The following SBF1 variants were observed in gnomAD, a reference collection of about 807,000 sequenced individuals.
The protein encoded by SBF1 is myotubularin-related protein 5.
In SBF1, 65 loss-of-function variants were observed where a neutral mutation model predicts 215.8. The observed-to-expected ratio is 0.30, with a 90% confidence interval of 0.25 to 0.37. The LOEUF is 0.37. Among genes scored for constraint, SBF1 ranks in the 10% least tolerant of loss-of-function variants. The probability of loss-of-function intolerance (pLI) is 1.00; values close to 1 mark genes in which losing one functional copy is unlikely to be tolerated. For missense variants in SBF1, 2,634 were observed against 2,667.8 expected (o/e 0.99, Z 0.28); for synonymous variants, 1,410 against 1,122.8 (o/e 1.26, Z -5.11).
Position 50,460,316 on chromosome 22 carries a change from T to C in SBF1, c.3239A>G (p.His1080Arg), listed in dbSNP as rs750253285. ...GTCCTCAGGGGGCGGCTGGCCCCGG[T>C]GCTCCCAGCTGGGGGGGTTGTACTT... ...RKKYNPPSWE[H>R]RGQPPPEDQE... The change falls in exon 25 of 41, where the codon CAC becomes CGC. Residue 1080 changes from histidine to arginine, a missense_variant. By Grantham distance (29) the His-to-Arg change is conservative. Coordinates refer to ENST00000380817, the MANE Select transcript of SBF1 (RefSeq NM_002972.4). 1.3e-5 allele frequency: 21 copies of C among 1,612,008 alleles called. No individual in the cohort carries two copies. In the Admixed American group the frequency reaches 1.7e-4, roughly 13 times the overall value.
At position 50,467,154 on chromosome 22, in the gene SBF1, G is replaced by A. The variant is rs200312266; in HGVS notation, c.549+184C>T. On this transcript the variant is annotated intron_variant, in intron 5 of 40. Coordinates refer to ENST00000380817, the MANE Select transcript of SBF1 (RefSeq NM_002972.4). Reference sequence around the variant, plus strand: ...AGAGAGGCTGAACGACACAGGCCCAGAGCACAGGTGCGAGGGCCAGGTAAG... The same window carrying A: ...AGAGAGGCTGAACGACACAGGCCCAAAGCACAGGTGCGAGGGCCAGGTAAG... 5 of 607,250 alleles carry A rather than the reference G, an allele frequency of 8.2e-6. No individual in the cohort carries two copies. The East Asian group carries it at 1.4e-4, about 17-fold the overall frequency. 37.6% of individuals were successfully genotyped at this position (607,250 alleles called of 1,614,324 possible).
chr22:50,449,747 GCAA>G (rs1172851573), intron 36 of SBF1, among the ~76,000 whole-genome samples: 1 of 152,098 alleles, frequency 6.6e-6, no homozygotes, highest in Admixed American at 6.5e-5. Flanking sequence ...CTTTGAAAGA[GCAA>G]CAATAAAACT....
At position 50,456,221 on chromosome 22, in the gene SBF1, T is replaced by TCAGCCACTCTGA; in HGVS notation, c.4249_4260dup (p.Ser1417_Leu1420dup). The TCAGCCACTCTGA allele has an allele frequency of 6.2e-7, 1 of 1,611,010 alleles. No individual in the cohort carries two copies. The highest frequency in any genetic ancestry group is 8.5e-7 in the Non-Finnish European group (1 of 1,179,676). ...GGACGGGGCAGTGCAGAGACCTGGA[T>TCAGCCACTCTGA]CAGCCACTCTGAGTCCTCCAGTGAG... On this transcript the variant is annotated inframe_insertion, in exon 31 of 41. Coordinates refer to ENST00000380817, the MANE Select transcript of SBF1 (RefSeq NM_002972.4).
intron 28 of SBF1, chr22:50,457,434 C>G (rs1298072138): frequency 3.3e-6 from 1 of 304,964 alleles, no homozygotes; most frequent in Non-Finnish European, 6.1e-6. Context: ...CCCTCCACAT[C>G]CTGGCCCTTT....
In SBF1 at chr22:50,460,654, T is replaced by C. The variant is rs747798462; in HGVS notation, c.3026A>G (p.Lys1009Arg). Residue 1009 changes from lysine (K) to arginine (R), a missense_variant, in exon 24 of 41, where the codon AAG (lysine) becomes AGG (arginine). Transcript: ENST00000380817. The stretch of plus-strand genomic sequence containing the variant: ...CGGGTACCGCAGCTTATGCAGCTGC[T>C]TACGGAAGAGCTCGGCGCTGTCAGA... ...VGSDSAELFRKQLHKLRYPPD... is the reference protein window; with the variant it reads ...VGSDSAELFRRQLHKLRYPPD... The C allele has an allele frequency of 6.2e-7, 1 of 1,614,002 alleles. No homozygotes were observed. The highest frequency in any genetic ancestry group is 1.1e-5 in the South Asian group (1 of 91,078).
chr22:50,456,744 G>T, intron 29 of SBF1, 71 bp from the exon 30 acceptor site: 1 of 1,337,308 alleles, frequency 7.5e-7, no homozygotes, highest in Non-Finnish European at 1.0e-6. Flanking sequence ...GGCTGGGCCC[G>T]GCCTCCAGGG....
chr22:50,467,646 C>G lies in SBF1; in HGVS notation c.324G>C (p.Gly108=). The stretch of plus-strand genomic sequence containing the variant: ...ACAGGTGGGTCTGGCCTCCCTCATC[C>G]CCCTCTTCCTCCCTCTCTGTGGCAT... ...VEDATEREEE[G]DEGGQTHLSP... The change falls in exon 4 of 41, where the codon GGG becomes GGC. Residue 108 remains glycine, a synonymous_variant. Transcript: ENST00000380817. 1.2e-6 allele frequency: 2 copies of G among 1,613,966 alleles called. No individual in the cohort carries two copies. The highest frequency in any genetic ancestry group is 1.7e-6 in the Non-Finnish European group (2 of 1,179,934).
Position 50,461,725 on chromosome 22 carries a change from G to A in SBF1, c.2644-7C>T, listed in dbSNP as rs750346389. On this transcript the variant is annotated splice_region_variant and splice_polypyrimidine_tract_variant and intron_variant, in intron 21 of 40. Transcript: ENST00000380817. Reference sequence around the variant, plus strand: ...GCGGCCGCAGCAGCTTGGGCTGCTCGAAAACAAGAGCAGGAGCTCAGGATG... The same window carrying A: ...GCGGCCGCAGCAGCTTGGGCTGCTCAAAAACAAGAGCAGGAGCTCAGGATG... The A allele has an allele frequency of 2.2e-5, 36 of 1,608,910 alleles. No homozygotes were observed. The highest frequency in any genetic ancestry group is 6.7e-5 in the East Asian group (3 of 44,776).
In SBF1 at chr22:50,449,961, C is replaced by G. The variant is rs535636242; in HGVS notation, c.5044-1311G>C. Among the ~76,000 whole-genome samples, 32 of 152,322 alleles carry G rather than the reference C, an allele frequency of 2.1e-4. No individual in the cohort carries two copies. The Middle Eastern group carries it at 0.01, about 49-fold the overall frequency. Reference sequence around the variant, plus strand: ...ATGGGACCACATAAGATGGGCCCCACAGTCACCTGTTTTCTGCCCAGCCAC... The same window carrying G: ...ATGGGACCACATAAGATGGGCCCCAGAGTCACCTGTTTTCTGCCCAGCCAC... On this transcript the variant is annotated intron_variant, in intron 36 of 40. Coordinates refer to ENST00000380817, the MANE Select transcript of SBF1 (RefSeq NM_002972.4).
Position 50,456,471 on chromosome 22 carries a change from C to T in SBF1, c.4086+21G>A, listed in dbSNP as rs752876087. The stretch of plus-strand genomic sequence containing the variant: ...CTGCCGAGCCCCCACCCTCACCCCC[C>T]ACCCCCCGCACCCCAGTCACCTTGA... On this transcript the variant is annotated intron_variant, in intron 30 of 40. Coordinates refer to ENST00000380817, the MANE Select transcript of SBF1 (RefSeq NM_002972.4). 9.3e-6 allele frequency: 14 copies of T among 1,503,882 alleles called. No homozygotes were observed. In the South Asian group the frequency reaches 1.1e-4, roughly 12 times the overall value. The allele number at this position is 1,503,882 out of a possible 1,614,324, so 93.2% of individuals were successfully genotyped here. A position where few individuals can be genotyped will look rare whatever the true frequency, so the allele number is the denominator to read the frequency against.
chr22:50,465,055 A>G lies in SBF1; in HGVS notation c.1278T>C (p.Ala426=). 1 of 1,614,120 alleles carries G rather than the reference A, an allele frequency of 6.2e-7. No homozygotes were observed. The highest frequency in any genetic ancestry group is 8.5e-7 in the Non-Finnish European group (1 of 1,180,012). Residue 426 remains alanine (A), a synonymous_variant, in exon 12 of 41, where the codon GCT becomes GCC. Coordinates refer to ENST00000380817, the MANE Select transcript of SBF1 (RefSeq NM_002972.4). ...GGACCCCACGCTCTGACACAAAGCC[A>G]GCAAAGGCCATGCCCTCCAGCACCT... ...LMKVLEGMAF[A]GFVSERGVPY...
chr22:50,450,520 CAAA>C (rs1412631899), intron 36 of SBF1, among the ~76,000 whole-genome samples: 1 of 111,920 alleles, frequency 8.9e-6, no homozygotes, highest in Non-Finnish European at 1.9e-5. Flanking sequence ...GACTCTGCCT[CAAA>C]AAAAAAAAAA....
intron 23 of SBF1, 144 bp from the exon 24 acceptor site, chr22:50,460,856 C>T (rs1179788692): frequency 7.2e-6 from 7 of 969,070 alleles, no homozygotes; most frequent in South Asian, 3.2e-5. Context: ...CTGTGTCACA[C>T]GAAGGCAAGC....
chr22:50,465,115 G>T lies in SBF1; in HGVS notation c.1218C>A (p.Gly406=). 6.2e-7 allele frequency: 1 copy of T among 1,614,036 alleles called. No individual in the cohort carries two copies. The highest frequency in any genetic ancestry group is 8.5e-7 in the Non-Finnish European group (1 of 1,180,004). Residue 406 remains glycine (G), a synonymous_variant, in exon 12 of 41, where the codon GGC becomes GGA. Transcript: ENST00000380817. ...VIRFHKAAFL[G]QRGLVEDDFL... Reference sequence around the variant, plus strand: ...AATCGTCCTCTACCAGCCCACGCTGGCCCAGGAAGGCTGCCTGGATGACAG... The same window carrying T: ...AATCGTCCTCTACCAGCCCACGCTGTCCCAGGAAGGCTGCCTGGATGACAG...
chr22:50,449,656 A>ACACACACC (rs1026571113), intron 36 of SBF1, among the ~76,000 whole-genome samples: 99 of 148,450 alleles, frequency 6.7e-4, no homozygotes, highest in East Asian at 3.3e-3. Flanking sequence ...ACACACACAC[A>ACACACACC]CCCCAAAATG....
rs1266699257 is a variant in SBF1, at chr22:50,462,926, G to A, written c.1912C>T (p.Leu638=). The stretch of plus-strand genomic sequence containing the variant: ...GCCGCCGCAATGCCATGCTCGTCCA[G>A]AGAAGTGCAGTCCTGCAGGTAGAGC... ...MNCCLQDCTS[L]DEHGIAAALL... is the part of the protein sequence containing the mutation. The change falls in exon 17 of 41, where the codon CTG becomes TTG. Residue 638 remains leucine, a synonymous_variant. Transcript: ENST00000380817. 4 of 1,612,894 alleles carry A rather than the reference G, an allele frequency of 2.5e-6. No individual in the cohort carries two copies. Among genetic ancestry groups the A allele is most frequent in the African/African-American group, 1.3e-5 (1 of 74,912 alleles).
At position 50,462,688 on chromosome 22, in the gene SBF1, T is replaced by A; in HGVS notation, c.1998A>T (p.Ala666=). The A allele has an allele frequency of 6.2e-7, 1 of 1,612,238 alleles. No homozygotes were observed. Among genetic ancestry groups the A allele is most frequent in the Non-Finnish European group, 8.5e-7 (1 of 1,179,544 alleles). Residue 666 remains alanine, a synonymous_variant, in exon 18 of 41, where the codon GCA becomes GCT. Coordinates refer to ENST00000380817, the MANE Select transcript of SBF1 (RefSeq NM_002972.4). The part of the protein sequence containing the change: ...RKLSPGVTQF[A]YSCVQEHVVW... ...CCACGTGCTCCTGCACACAGCTGTA[T>A]GCAAACTGCGTCACCCCCGGGCTCA...
chr22:50,448,356 G>A lies in SBF1; in HGVS notation c.5240C>T (p.Thr1747Ile). The change falls in exon 38 of 41, where the codon ACC (threonine) becomes ATC (isoleucine). Residue 1747 changes from threonine (T) to isoleucine (I), a missense_variant. Coordinates refer to ENST00000380817, the MANE Select transcript of SBF1 (RefSeq NM_002972.4). ...GTCGCTGTCCAGGCTGAGGCTCAGG[G>A]TGGAGCCCACGGGCCCCTCCTGCAG... ...VYLQEGPVGSTLSLSLDSDQS... is the reference protein window; with the variant it reads ...VYLQEGPVGSILSLSLDSDQS... The A allele has an allele frequency of 6.2e-6, 10 of 1,613,898 alleles. No homozygotes were observed. The highest frequency in any genetic ancestry group is 8.5e-6 in the Non-Finnish European group (10 of 1,180,024).
chr22:50,470,515 C>A (rs777558418), intron 1 of SBF1, among the ~76,000 whole-genome samples: 4 of 152,160 alleles, frequency 2.6e-5, no homozygotes, highest in Non-Finnish European at 5.9e-5. Context: ...GCCAAGCAGG[C>A]ACCTCTCCCT....
Sources: gnomAD v4.1 joint callset for allele counts (sites outside exome capture counted in the v4.1 genomes callset) on GRCh38, gnomAD v4.1.1 for gene constraint, MANE v1.5 for transcripts, NCBI Gene and HGNC (gene_info 2026-07-23, HGNC 2026-07-21) for gene names.